Variants in KCNT1 observed in about 807,000 individuals in gnomAD.
The protein encoded by KCNT1 is potassium channel subfamily T member 1.
KCNT1 carries 78 observed loss-of-function variants against 147.8 expected under a neutral mutation model. The observed-to-expected ratio is 0.53, with a 90% CI of 0.44 to 0.64. KCNT1 has a LOEUF of 0.64. Among genes scored for constraint, KCNT1 ranks in the 30% least tolerant of loss-of-function variants. The pLI, the probability that KCNT1 is intolerant of heterozygous loss-of-function variation, is 0.00. For synonymous variants in KCNT1, 867 were observed against 748.8 expected (o/e 1.16, Z -2.58); for missense variants, 1,419 against 1,750.3 (o/e 0.81, Z 3.38).
In KCNT1 at chr9:135,793,332, G is replaced by A. The variant is rs1242870767; in HGVS notation, c.*1171G>A. On this transcript the variant is annotated 3_prime_UTR_variant, in exon 31 of 31. Coordinates refer to ENST00000371757, the MANE Select transcript of KCNT1 (RefSeq NM_020822.3). ...AATTGTATTTGGCTACTGGTGACTG[G>A]ATCCTGGTAGCCAGGAAACCTGCCT... 1 of 152,258 alleles carries A rather than the reference G, an allele frequency of 6.6e-6. No homozygotes were observed. The highest frequency in any genetic ancestry group is 2.4e-5 in the African/African-American group (1 of 41,452). The allele number at this position is 152,258 out of a possible 1,614,324, so 9.4% of individuals were successfully genotyped here.
Position 135,730,990 on chromosome 9 carries a change from T to TGAAAAAAA in KCNT1, c.254+16270_254+16271insGAAAAAAA, listed in dbSNP as rs1554766004. Among the ~76,000 whole-genome samples the TGAAAAAAA allele has an allele frequency of 0.09, 7,644 of 84,902 alleles. 451 individuals are homozygous for TGAAAAAAA. Among genetic ancestry groups the TGAAAAAAA allele is most frequent in the South Asian group, 0.13 (303 of 2,248 alleles). The allele number at this position is 84,902 out of a possible 152,430, so 55.7% of individuals were successfully genotyped here. ...AACAAAGTGAGATCCCGTCTCAAGG[T>TGAAAAAAA]AAAAAAAAAAAAAAAAAAAAAAAGT... On this transcript the variant is annotated intron_variant, in intron 2 of 30. Transcript: ENST00000371757. This position sits in a 1 kb window ranked among gnomAD's most constrained non-coding sequence, Gnocchi z 4.7.
intron 2 of KCNT1, among the ~76,000 whole-genome samples, chr9:135,738,772 CCCT>C (rs1830442619): frequency 6.6e-6 from 1 of 152,140 alleles, no homozygotes; most frequent in Non-Finnish European, 1.5e-5. Flanking sequence ...TGGCCTCTGT[CCCT>C]CCTCCCACAC....
At chr9:135,759,582 TG>T in intron 10 of KCNT1, 96 bp from the exon 11 acceptor site, 1 of 1,356,524 alleles carries the variant, frequency 7.4e-7, no homozygotes, top group Non-Finnish European at 9.9e-7. Context: ...CTCAGTCTCC[TG>T]GGCAGTGAGG....
Position 135,786,181 on chromosome 9 carries a change from G to T in KCNT1, c.3178-16G>T, listed in dbSNP as rs55906268. 535 of 1,594,270 alleles carry T rather than the reference G, an allele frequency of 3.4e-4. No individual in the cohort carries two copies. Among genetic ancestry groups the T allele is most frequent in the Non-Finnish European group, 4.2e-4 (494 of 1,169,852 alleles). ...GCCTCACCCCTCCCCGCCCTGCCCTGCCCTGCCCTGCCCAGTCCCAGATCT... is the reference window on the plus strand; with the variant it reads ...GCCTCACCCCTCCCCGCCCTGCCCTTCCCTGCCCTGCCCAGTCCCAGATCT... On this transcript the variant is annotated splice_polypyrimidine_tract_variant and intron_variant, in intron 28 of 30. Transcript: ENST00000371757.
chr9:135,740,747 C>A (rs1429886367), intron 2 of KCNT1, among the ~76,000 whole-genome samples: 4 of 152,216 alleles, frequency 2.6e-5, no homozygotes, highest in African/African-American at 4.8e-5. Flanking sequence ...AGGGATGAGG[C>A]CCTCACCACT....
At chr9:135,757,104 G>C in intron 7 of KCNT1, 52 bp from the exon 8 acceptor site, 1 of 1,028,012 alleles carries the variant, frequency 9.7e-7, no homozygotes, top group Non-Finnish European at 1.5e-6. Flanking sequence ...CCCCTGCTGG[G>C]CCCCACCCCC....
At chr9:135,763,557 G>A (rs1233015485) in intron 11 of KCNT1, among the ~76,000 whole-genome samples, 1 of 152,152 alleles carries the variant, frequency 6.6e-6, no homozygotes, top group Non-Finnish European at 1.5e-5. Context: ...CCGCTTTGGG[G>A]GAGATTGTCC....
Position 135,769,244 on chromosome 9 carries a change from T to C in KCNT1, c.1510+307T>C, listed in dbSNP as rs56187647. Among the ~76,000 whole-genome samples the C allele has an allele frequency of 0.095, 10,179 of 106,962 alleles. 920 individuals are homozygous for C. Among genetic ancestry groups the C allele is most frequent in the Middle Eastern group, 0.12 (20 of 172 alleles). 70.2% of individuals were successfully genotyped at this position (106,962 alleles called of 152,430 possible). A position where few individuals can be genotyped will look rare whatever the true frequency, so the allele number is the denominator to read the frequency against. The stretch of plus-strand genomic sequence containing the variant: ...GCACGTGTGCACGTGTGTGTCGGTG[T>C]GTCTGGGGCAGGGCGCGTGTGCATG... On this transcript the variant is annotated intron_variant, in intron 15 of 30. Transcript: ENST00000371757.
chr9:135,705,320 G>C (rs549535315), intron 1 of KCNT1, among the ~76,000 whole-genome samples: 32 of 152,348 alleles, frequency 2.1e-4, no homozygotes, highest in African/African-American at 7.2e-4. Flanking sequence ...AACAATCCCA[G>C]GTTTCTCTGC....
intron 29 of KCNT1, chr9:135,788,091 G>A: frequency 1.3e-6 from 2 of 1,599,802 alleles, no homozygotes; most frequent in Non-Finnish European, 1.7e-6. Context: ...CTTTCTGTGT[G>A]TTCTGTAGAG....
Position 135,775,366 on chromosome 9 carries a change from G to T in KCNT1, c.2300G>T (p.Cys767Phe). The T allele has an allele frequency of 6.2e-7, 1 of 1,611,018 alleles. No individual in the cohort carries two copies. Among genetic ancestry groups the T allele is most frequent in the Non-Finnish European group, 8.5e-7 (1 of 1,178,602 alleles). Residue 767 changes from cysteine (C) to phenylalanine (F), a missense_variant, in exon 20 of 31, where the codon TGC (cysteine) becomes TTC (phenylalanine). Transcript: ENST00000371757. Reference protein sequence around the residue: ...SPYIGSSPTLCHLLPVKAPFC... With the variant: ...SPYIGSSPTLFHLLPVKAPFC... ...TACATCGGCAGCTCCCCAACCCTGT[G>T]CCACCTCCTGCCTGTGAAAGCCCCC...
rs1198351734 is a variant in KCNT1 at position 135,783,928 on chromosome 9, A to G, written c.2842-96A>G. On this transcript the variant is annotated intron_variant, in intron 24 of 30. Coordinates refer to ENST00000371757, the MANE Select transcript of KCNT1 (RefSeq NM_020822.3). ...ATGTGCACACAGGTATCATGCACAC[A>G]TGTACGGTGCACACACAGTGCCCTC... is the stretch of plus-strand genomic sequence containing the variant. 9 of 848,808 alleles carry G rather than the reference A, an allele frequency of 1.1e-5. No homozygotes were observed. In the Admixed American group the frequency reaches 1.6e-4, roughly 15 times the overall value. The allele number at this position is 848,808 out of a possible 1,614,324, so 52.6% of individuals were successfully genotyped here.
chr9:135,748,100 C>T (rs1830943024), intron 2 of KCNT1, among the ~76,000 whole-genome samples: 1 of 152,194 alleles, frequency 6.6e-6, no homozygotes, highest in Non-Finnish European at 1.5e-5. Flanking sequence ...TGCCGCCATG[C>T]CTGGCTACTT....
chr9:135,717,773 C>A (rs1835778380), intron 2 of KCNT1, among the ~76,000 whole-genome samples: 1 of 152,250 alleles, frequency 6.6e-6, no homozygotes. Context: ...TCCTTGGTCT[C>A]AGCAGCAGCC....
At chr9:135,785,421 AC>A in intron 28 of KCNT1, 91 bp downstream of exon 28, 1 of 1,014,048 alleles carries the variant, frequency 9.9e-7, no homozygotes, top group Non-Finnish European at 1.2e-6. Context: ...CCACCCACCC[AC>A]CCACCCACAG....
intron 14 of KCNT1, 57 bp from the exon 15 acceptor site, chr9:135,768,772 G>C: frequency 6.5e-7 from 1 of 1,547,790 alleles, no homozygotes; most frequent in South Asian, 1.2e-5. Flanking sequence ...TGCCGGTGCC[G>C]CCCAGCAGCC....
At chr9:135,788,505 C>T (rs1283942458) in intron 29 of KCNT1, among the ~76,000 whole-genome samples, 1 of 152,224 alleles carries the variant, frequency 6.6e-6, no homozygotes, top group Non-Finnish European at 1.5e-5. Context: ...GACCGGTGGG[C>T]CACCCTGGCC....
In KCNT1 at chr9:135,775,358, A is replaced by G; in HGVS notation, c.2292A>G (p.Pro764=). 6.2e-7 allele frequency: 1 copy of G among 1,610,628 alleles called. No individual in the cohort carries two copies. The highest frequency in any genetic ancestry group is 8.5e-7 in the Non-Finnish European group (1 of 1,178,456). ...PPNSPYIGSS[P]TLCHLLPVKA... ...ACTCGCCCTACATCGGCAGCTCCCC[A>G]ACCCTGTGCCACCTCCTGCCTGTGA... The change falls in exon 20 of 31, where the codon CCA becomes CCG. Residue 764 remains proline, a synonymous_variant. Coordinates refer to ENST00000371757, the MANE Select transcript of KCNT1 (RefSeq NM_020822.3).
At chr9:135,791,603 C>G in intron 29 of KCNT1, 194 bp from the exon 30 acceptor site, 1 of 582,374 alleles carries the variant, frequency 1.7e-6, no homozygotes, top group Non-Finnish European at 3.1e-6. Flanking sequence ...GTCCCCTGCC[C>G]TGTGTGGAGA....
Sources: allele counts gnomAD v4.1 joint callset (sites outside exome capture counted in the v4.1 genomes callset), GRCh38; gene constraint gnomAD v4.1.1; non-coding constraint Gnocchi (gnomAD v3.1); transcripts MANE v1.5; gene names NCBI Gene and HGNC (gene_info 2026-07-23, HGNC 2026-07-21).